RGS17: variants seen among roughly 807,000 people sequenced by gnomAD.
RGS17 encodes the protein regulator of G protein signaling 17, also known as regulator of G-protein signaling 17.
In RGS17, 12 loss-of-function variants were observed where a neutral mutation model predicts 25.5. The ratio of observed to expected loss-of-function variants is 0.47; its 90% CI spans 0.30 to 0.76. RGS17 has a LOEUF of 0.76. Among genes scored for constraint, RGS17 ranks in the 30% least tolerant of loss-of-function variants. The probability of loss-of-function intolerance (pLI) is 0.07; values close to 1 mark genes in which losing one functional copy is unlikely to be tolerated. For synonymous variants in RGS17, 71 were observed against 76.9 expected, an observed-to-expected ratio of 0.92 and a Z score of 0.40; for missense variants, 196 against 242.2, an observed-to-expected ratio of 0.81 and a Z score of 1.27.
intron 1 of RGS17, among the ~76,000 whole-genome samples, chr6:153,128,698 G>A (rs564933531): frequency 1.7e-4 from 26 of 152,056 alleles, no homozygotes; most frequent in African/African-American, 6.3e-4. Context: ...TGTTAAGGAA[G>A]GTTTATTATT....
chr6:153,112,451 T>A (rs1777485478), intron 1 of RGS17, among the ~76,000 whole-genome samples: 1 of 152,182 alleles, frequency 6.6e-6, no homozygotes, highest in South Asian at 2.1e-4. Context: ...GTTTGATTGG[T>A]GTACCTGAAA....
chr6:153,070,079 G>A (rs2129116834), intron 1 of RGS17, among the ~76,000 whole-genome samples: 1 of 152,086 alleles, frequency 6.6e-6, no homozygotes, highest in Middle Eastern at 3.4e-3. Flanking sequence ...CAGGAAGAGT[G>A]GGCAGCAGCT....
intron 1 of RGS17, among the ~76,000 whole-genome samples, chr6:153,097,238 T>G (rs972651072): frequency 6.6e-6 from 1 of 151,802 alleles, no homozygotes; most frequent in Non-Finnish European, 1.5e-5. Flanking sequence ...ATTCAATGGT[T>G]ATTGAACAAC....
At chr6:153,077,509 AG>A (rs1334611716) in intron 1 of RGS17, among the ~76,000 whole-genome samples, 23 of 152,220 alleles carry the variant, frequency 1.5e-4, no homozygotes, top group African/African-American at 5.5e-4. Context: ...GTTCAGCAGT[AG>A]TTTTATGACA....
intron 1 of RGS17, among the ~76,000 whole-genome samples, chr6:153,090,185 A>G (rs1326409943): frequency 3.2e-4 from 48 of 152,204 alleles, no homozygotes; most frequent in Admixed American, 3.1e-3. Flanking sequence ...GGAAACTGGT[A>G]ACTTCTTGGT....
At chr6:153,098,759 G>A (rs1328152609) in intron 1 of RGS17, among the ~76,000 whole-genome samples, 1 of 152,000 alleles carries the variant, frequency 6.6e-6, no homozygotes, top group African/African-American at 2.4e-5. Context: ...CCACATAAGG[G>A]GACCTCAAAA....
At chr6:153,056,044 C>T (rs1040710760) in intron 1 of RGS17, among the ~76,000 whole-genome samples, 11 of 152,078 alleles carry the variant, frequency 7.2e-5, no homozygotes, top group South Asian at 2.1e-4. Context: ...ATGAAAAATT[C>T]GGGACAGTAA....
intron 1 of RGS17, among the ~76,000 whole-genome samples, chr6:153,058,260 T>A (rs990911970): frequency 2.0e-5 from 3 of 152,230 alleles, no homozygotes; most frequent in African/African-American, 7.2e-5. Flanking sequence ...GTGCTACAGA[T>A]GTTGAAGGTT....
Position 153,053,925 on chromosome 6 carries a change from GTATATATATGTATATATAATATA to G in RGS17, c.-25-9905_-25-9883del, listed in dbSNP as rs1360525346. Among the ~76,000 whole-genome samples the G allele has an allele frequency of 4.3e-5, 2 of 46,096 alleles. 1 individual carries two copies. The highest frequency in any genetic ancestry group is 7.0e-5 in the Non-Finnish European group (2 of 28,698). The allele number at this position is 46,096 out of a possible 152,430, so 30.2% of individuals were successfully genotyped here. On this transcript the variant is annotated intron_variant, in intron 1 of 4. Transcript: ENST00000206262. ...ATACATACACACATTATATATATAT[GTATATATATGTATATATAATATA>G]TATACATATATATTATATACATATA... is the stretch of plus-strand genomic sequence containing the variant.
chr6:153,028,413 A>C lies in RGS17; in HGVS notation c.120-1870T>G, dbSNP rs370242826. ...TTGGGGAGGAATTCAGAGACAGTGCATAATTTTGGAGGTATTTGCGTGTGA... is the reference window on the plus strand; with the variant it reads ...TTGGGGAGGAATTCAGAGACAGTGCCTAATTTTGGAGGTATTTGCGTGTGA... On this transcript the variant is annotated intron_variant, in intron 2 of 4. Coordinates refer to ENST00000206262, the MANE Select transcript of RGS17 (RefSeq NM_012419.5). Among the ~76,000 whole-genome samples the C allele has an allele frequency of 2.6e-4, 40 of 152,276 alleles. No individual in the cohort carries two copies. In the East Asian group the frequency reaches 4.4e-3, roughly 17 times the overall value.
chr6:153,089,890 A>G (rs1384501588), intron 1 of RGS17, among the ~76,000 whole-genome samples: 1 of 152,164 alleles, frequency 6.6e-6, no homozygotes, highest in Non-Finnish European at 1.5e-5. Context: ...TGTGTTATGA[A>G]TATTTTTTTC....
rs577339785 is a variant in RGS17, at chr6:153,079,401, C to A, written c.-25-35358G>T. ...CCAACATTCTTGGTTTGTTCTTAATCATAATAAAAAGGAAGCAGATTTCAC... is the reference window on the plus strand; with the variant it reads ...CCAACATTCTTGGTTTGTTCTTAATAATAATAAAAAGGAAGCAGATTTCAC... On this transcript the variant is annotated intron_variant, in intron 1 of 4. Coordinates refer to ENST00000206262, the MANE Select transcript of RGS17 (RefSeq NM_012419.5). 2.6e-5 allele frequency among the ~76,000 whole-genome samples: 4 copies of A among 152,264 alleles called. No homozygotes were observed. In the South Asian group the frequency reaches 8.3e-4, roughly 32 times the overall value.
intron 1 of RGS17, among the ~76,000 whole-genome samples, chr6:153,122,345 T>C (rs943071916): frequency 6.6e-6 from 1 of 152,176 alleles, no homozygotes; most frequent in Non-Finnish European, 1.5e-5. Flanking sequence ...GATTTCTCTA[T>C]TGTTTGGTTT....
At chr6:153,111,258 G>C (rs1170135887) in intron 1 of RGS17, among the ~76,000 whole-genome samples, 2 of 152,116 alleles carry the variant, frequency 1.3e-5, no homozygotes, top group Non-Finnish European at 2.9e-5. Context: ...AGTCGGGGGA[G>C]GGGCGTCCGC....
At chr6:153,015,012 G>T (rs907580113) in intron 4 of RGS17, among the ~76,000 whole-genome samples, 3 of 152,146 alleles carry the variant, frequency 2.0e-5, no homozygotes, top group African/African-American at 7.2e-5. Flanking sequence ...ATTTTGAGGA[G>T]TTCAAGACTT....
chr6:153,110,544 G>A (rs1365300891), intron 1 of RGS17, among the ~76,000 whole-genome samples: 2 of 151,924 alleles, frequency 1.3e-5, no homozygotes, highest in Non-Finnish European at 1.5e-5. Context: ...AGAACCCTGC[G>A]ACATTATTAA....
chr6:153,013,631 A>G (rs1174209361), intron 4 of RGS17, among the ~76,000 whole-genome samples: 1 of 152,244 alleles, frequency 6.6e-6, no homozygotes, highest in Non-Finnish European at 1.5e-5. Flanking sequence ...GGCAAAGGAA[A>G]TGTTCTCAAA....
At chr6:153,070,048 G>T (rs2129116826) in intron 1 of RGS17, among the ~76,000 whole-genome samples, 1 of 151,986 alleles carries the variant, frequency 6.6e-6, no homozygotes, top group African/African-American at 2.4e-5. Context: ...TCCTCACATA[G>T]CAAAACATTT....
At chr6:153,087,347 A>C (rs1777065274) in intron 1 of RGS17, among the ~76,000 whole-genome samples, 1 of 152,230 alleles carries the variant, frequency 6.6e-6, no homozygotes, top group African/African-American at 2.4e-5. Context: ...ATACATAATG[A>C]TGAAAAATAT....
Sources: allele counts gnomAD v4.1 joint callset (sites outside exome capture counted in the v4.1 genomes callset), GRCh38; gene constraint gnomAD v4.1.1; transcripts MANE v1.5; gene names NCBI Gene and HGNC (gene_info 2026-07-23, HGNC 2026-07-21).